The following CSMD2 variants were observed in gnomAD, a reference collection of about 807,000 sequenced individuals.
The protein encoded by CSMD2 is CUB and sushi domain-containing protein 2.
In CSMD2, 130 loss-of-function variants were observed where a neutral mutation model predicts 398.5. The observed-to-expected ratio is 0.33, with a 90% confidence interval of 0.28 to 0.38. The LOEUF (loss-of-function observed/expected upper bound fraction) is 0.38, where lower values mean the gene tolerates loss of function less well. CSMD2 is among the 10% of genes least tolerant of loss of function. The probability of loss-of-function intolerance (pLI) is 1.00; values close to 1 mark genes in which losing one functional copy is unlikely to be tolerated. For synonymous variants in CSMD2, 1,828 were observed against 1,908.5 expected (o/e 0.96, Z 1.10); for missense variants, 3,829 against 4,764.9 (o/e 0.80, Z 5.78).
chr1:33,957,048 A>G (rs1173828571), intron 3 of CSMD2, among the ~76,000 whole-genome samples: 1 of 151,568 alleles, frequency 6.6e-6, no homozygotes, highest in Non-Finnish European at 1.5e-5. Context: ...GCATTCACCT[A>G]TCACCTCCCC....
intron 5 of CSMD2, among the ~76,000 whole-genome samples, chr1:33,897,551 C>G (rs947389274): frequency 3.9e-5 from 6 of 152,206 alleles, no homozygotes; most frequent in Non-Finnish European, 5.9e-5. Flanking sequence ...CTGTGTATGT[C>G]CACATCATGA....
rs1172535117 is a variant in CSMD2 at position 33,578,927 on chromosome 1, A to G, written c.7388-1443T>C. 1.1e-4 allele frequency among the ~76,000 whole-genome samples: 17 copies of G among 152,270 alleles called. No individual in the cohort carries two copies. In the East Asian group the frequency reaches 3.3e-3, roughly 29 times the overall value. On this transcript the variant is annotated intron_variant, in intron 48 of 70. Coordinates refer to ENST00000373381, the MANE Select transcript of CSMD2 (RefSeq NM_001281956.2). ...ACTCCTGCTTTGCCCGCTGTGTCCT[A>G]TGTGTGCTGTATCCACATGGTTACC...
chr1:33,876,183 G>T (rs1397286784), intron 5 of CSMD2, among the ~76,000 whole-genome samples: 1 of 152,218 alleles, frequency 6.6e-6, no homozygotes, highest in Non-Finnish European at 1.5e-5. Flanking sequence ...AGAGATTCCA[G>T]AGTCCCTGAA....
intron 5 of CSMD2, among the ~76,000 whole-genome samples, chr1:33,899,172 C>T (rs1278961060): frequency 6.6e-6 from 1 of 152,196 alleles, no homozygotes; most frequent in African/African-American, 2.4e-5. Context: ...GGCAGTCTGT[C>T]CCACGCTCAC....
chr1:33,758,415 C>A lies in CSMD2; in HGVS notation c.1846+14154G>T, dbSNP rs77099354. Among the ~76,000 whole-genome samples the A allele has an allele frequency of 1.4e-4, 22 of 152,264 alleles. No homozygotes were observed. In the East Asian group the frequency reaches 4.2e-3, roughly 29 times the overall value. The stretch of plus-strand genomic sequence containing the variant: ...CCTGGGTGGCCAAGCATCTTCCAAA[C>A]CAAATGCTCTCTCACTCCAGCTGTG... On this transcript the variant is annotated intron_variant, in intron 13 of 70. Transcript: ENST00000373381.
intron 57 of CSMD2, among the ~76,000 whole-genome samples, chr1:33,543,559 G>A (rs567187313): frequency 6.6e-6 from 1 of 152,344 alleles, no homozygotes; most frequent in African/African-American, 2.4e-5. Context: ...TGTTCATGAT[G>A]TTGAGGCTCA....
intron 62 of CSMD2, among the ~76,000 whole-genome samples, chr1:33,536,079 C>T (rs190935401): frequency 2.0e-5 from 3 of 152,244 alleles, no homozygotes; most frequent in Admixed American, 2.0e-4. Flanking sequence ...AAGCATGTGC[C>T]GAGTGAGTAC....
chr1:33,609,716 T>G (rs1184961668), intron 41 of CSMD2, among the ~76,000 whole-genome samples: 1 of 152,156 alleles, frequency 6.6e-6, no homozygotes, highest in East Asian at 1.9e-4. Flanking sequence ...ACGATCCAAT[T>G]TTGGCTAAAA....
At chr1:33,875,970 A>G (rs1640811812) in intron 5 of CSMD2, among the ~76,000 whole-genome samples, 1 of 152,194 alleles carries the variant, frequency 6.6e-6, no homozygotes, top group African/African-American at 2.4e-5. Flanking sequence ...GGTCAACAGG[A>G]GAACCCCAAG....
At chr1:33,890,439 C>A (rs1193838374) in intron 5 of CSMD2, among the ~76,000 whole-genome samples, 3 of 152,078 alleles carry the variant, frequency 2.0e-5, no homozygotes, top group Non-Finnish European at 2.9e-5. Flanking sequence ...ACCATGTTAG[C>A]CAGGATGGTC....
chr1:33,727,820 C>T (rs1055366603), intron 15 of CSMD2, among the ~76,000 whole-genome samples: 1 of 152,020 alleles, frequency 6.6e-6, no homozygotes, highest in African/African-American at 2.4e-5. Flanking sequence ...AAGTTAACAC[C>T]GTGTAGCCTA....
chr1:34,078,465 T>C (rs1336902192), intron 2 of CSMD2, among the ~76,000 whole-genome samples: 1 of 152,100 alleles, frequency 6.6e-6, no homozygotes, highest in African/African-American at 2.4e-5. Flanking sequence ...AGGTCTGAGT[T>C]ACTGAGTCCT....
At chr1:33,916,826 T>C (rs1333851324) in intron 5 of CSMD2, among the ~76,000 whole-genome samples, 3 of 151,128 alleles carry the variant, frequency 2.0e-5, no homozygotes, top group Admixed American at 6.6e-5. Flanking sequence ...ACCTAACAGA[T>C]AGATAGACAA....
Position 33,626,430 on chromosome 1 carries a change from G to A in CSMD2, c.5296+56C>T, listed in dbSNP as rs960064710. The A allele has an allele frequency of 2.4e-5, 31 of 1,276,562 alleles. No individual in the cohort carries two copies. In the South Asian group the frequency reaches 3.5e-4, roughly 15 times the overall value. 79.1% of individuals were successfully genotyped at this position (1,276,562 alleles called of 1,614,324 possible). A position where few individuals can be genotyped will look rare whatever the true frequency, so the allele number is the denominator to read the frequency against. ...CAAAGATCCCTGTCCCTTCGATCAC[G>A]AGTCCCTTAAGAACCGAGATCACCT... is the stretch of plus-strand genomic sequence containing the variant. On this transcript the variant is annotated intron_variant, in intron 33 of 70. Transcript: ENST00000373381.
intron 13 of CSMD2, among the ~76,000 whole-genome samples, chr1:33,746,067 T>G (rs933883939): frequency 1.3e-5 from 2 of 152,078 alleles, no homozygotes; most frequent in African/African-American, 4.8e-5. Context: ...TGTCTCTCAG[T>G]ATGAGAATAA....
At chr1:33,714,421 G>A (rs1347598736) in intron 21 of CSMD2, among the ~76,000 whole-genome samples, 166 bp downstream of exon 21, 1 of 152,268 alleles carries the variant, frequency 6.6e-6, no homozygotes, top group African/African-American at 2.4e-5. Context: ...GGAGGATGGA[G>A]CAGAAGGAGG....
chr1:34,020,386 G>C (rs565628047), intron 3 of CSMD2, among the ~76,000 whole-genome samples: 1 of 152,210 alleles, frequency 6.6e-6, no homozygotes, highest in East Asian at 1.9e-4. Context: ...AACAGGAAGC[G>C]GAGAGCTGGA....
At chr1:33,898,995 A>G (rs186320195) in intron 5 of CSMD2, among the ~76,000 whole-genome samples, 118 of 152,328 alleles carry the variant, frequency 7.7e-4, no homozygotes, top group African/African-American at 2.7e-3. Context: ...CTGGGCTGTC[A>G]TTGCCCGGAG....
intron 48 of CSMD2, among the ~76,000 whole-genome samples, 156 bp downstream of exon 48, chr1:33,580,597 A>G (rs539558635): frequency 1.2e-4 from 19 of 152,308 alleles, no homozygotes; most frequent in African/African-American, 4.3e-4. Flanking sequence ...TCAAGAGGGG[A>G]ATGGAATAGA....
Sources: gnomAD v4.1 joint callset for allele counts (sites outside exome capture counted in the v4.1 genomes callset) on GRCh38, gnomAD v4.1.1 for gene constraint, MANE v1.5 for transcripts, NCBI Gene and HGNC (gene_info 2026-07-23, HGNC 2026-07-21) for gene names.